EPS15L1: variants seen among roughly 807,000 people sequenced by gnomAD.
EPS15L1 encodes epidermal growth factor receptor pathway substrate 15 like 1, also known as epidermal growth factor receptor substrate 15-like 1.
In EPS15L1, 43 loss-of-function variants were observed where a neutral mutation model predicts 117.1. The observed-to-expected ratio is 0.37, with a 90% CI of 0.29 to 0.47. The LOEUF (loss-of-function observed/expected upper bound fraction) is 0.47. Ranked by LOEUF, EPS15L1 falls within the 20% of genes least tolerant of loss-of-function variation. EPS15L1 has a pLI of 0.99. For missense variants in EPS15L1, 981 were observed against 1,164.0 expected (o/e 0.84, Z 2.29); for synonymous variants, 459 against 470.5 (o/e 0.98, Z 0.32).
At chr19:16,356,020 C>A (rs1475363215) in intron 23 of EPS15L1, among the ~76,000 whole-genome samples, 169 bp from the exon 24 acceptor site, 1 of 152,370 alleles carries the variant, frequency 6.6e-6, no homozygotes, top group African/African-American at 2.4e-5. Context: ...GGCGTGCGAG[C>A]CTGTCTCAGG....
chr19:16,458,633 C>T (rs77736475), intron 1 of EPS15L1, among the ~76,000 whole-genome samples: 1 of 152,034 alleles, frequency 6.6e-6, no homozygotes, highest in African/African-American at 2.4e-5. Flanking sequence ...CCTGAAAGTG[C>T]TCCCTGGCCA....
In EPS15L1 at chr19:16,471,319, G is replaced by A. The variant is rs2092201622; in HGVS notation, c.33+594C>T. 6.6e-6 allele frequency among the ~76,000 whole-genome samples: 1 copy of A among 152,214 alleles called. No individual in the cohort carries two copies. Among genetic ancestry groups the A allele is most frequent in the African/African-American group, 2.4e-5 (1 of 41,470 alleles). On this transcript the variant is annotated intron_variant, in intron 1 of 23. Coordinates refer to ENST00000455140, the MANE Select transcript of EPS15L1 (RefSeq NM_001258374.3). The surrounding 1 kb of genome is among the most constrained non-coding windows in gnomAD (Gnocchi z 4.8). Reference sequence around the variant, plus strand: ...AGCTGCCTACGCATGGCTCTTTTTCGCATGTCTGTGTCGCGCTATCGATAC... The same window carrying A: ...AGCTGCCTACGCATGGCTCTTTTTCACATGTCTGTGTCGCGCTATCGATAC...
At chr19:16,470,518 T>C (rs1431528935) in intron 1 of EPS15L1, among the ~76,000 whole-genome samples, 1 of 112,402 alleles carries the variant, frequency 8.9e-6, no homozygotes, top group Non-Finnish European at 1.7e-5. Context: ...CCCCACCCCC[T>C]GACTACATAC....
chr19:16,416,254 C>G (rs1286398623), intron 12 of EPS15L1, among the ~76,000 whole-genome samples: 87 of 152,302 alleles, frequency 5.7e-4, no homozygotes. Flanking sequence ...AGTAAACAAT[C>G]TCTTTCCCAC....
intron 1 of EPS15L1, among the ~76,000 whole-genome samples, chr19:16,466,545 A>T (rs1237816205): frequency 6.6e-6 from 1 of 152,154 alleles, no homozygotes; most frequent in Non-Finnish European, 1.5e-5. Flanking sequence ...ACTGCCCAGA[A>T]AGTGTCCAGC....
At chr19:16,386,092 G>A in intron 20 of EPS15L1, 79 bp downstream of exon 20, 2 of 1,094,002 alleles carry the variant, frequency 1.8e-6, no homozygotes, top group Non-Finnish European at 2.8e-6. Flanking sequence ...CTGGCTTTGG[G>A]AGTGAAAGTG....
chr19:16,375,559 G>A (rs928152688), intron 22 of EPS15L1, among the ~76,000 whole-genome samples: 1 of 152,178 alleles, frequency 6.6e-6, no homozygotes, highest in African/African-American at 2.4e-5. Context: ...AAGCCAACAA[G>A]GATCCCTGAA....
At chr19:16,367,520 A>C (rs1463280954) in intron 22 of EPS15L1, among the ~76,000 whole-genome samples, 4 of 149,436 alleles carry the variant, frequency 2.7e-5, no homozygotes, top group East Asian at 3.9e-4. Flanking sequence ...AAAAAAAAAA[A>C]AAAAAACTTG....
intron 13 of EPS15L1, among the ~76,000 whole-genome samples, chr19:16,410,669 G>A (rs896314724): frequency 6.6e-6 from 1 of 152,160 alleles, no homozygotes; most frequent in African/African-American, 2.4e-5. Flanking sequence ...CAGCACTCTG[G>A]GAGGCCGAGG....
intron 18 of EPS15L1, among the ~76,000 whole-genome samples, chr19:16,393,304 A>G (rs1360466304): frequency 6.6e-6 from 1 of 151,916 alleles, no homozygotes; most frequent in East Asian, 1.9e-4. Flanking sequence ...ATACCACTGA[A>G]TTGGATGCTT....
chr19:16,394,405 G>C (rs1208482181), intron 17 of EPS15L1, among the ~76,000 whole-genome samples: 1 of 145,492 alleles, frequency 6.9e-6, no homozygotes, highest in African/African-American at 2.5e-5. Context: ...CGGCCCTGCA[G>C]CAATGAGGCG....
chr19:16,452,485 T>C (rs548582901), intron 1 of EPS15L1, among the ~76,000 whole-genome samples: 1 of 149,574 alleles, frequency 6.7e-6, no homozygotes, highest in East Asian at 2.0e-4. Context: ...CCAGGTGTAG[T>C]GGCACTCGCC....
rs545477324 is a variant in EPS15L1, at chr19:16,368,628, A to G, written c.2381-6644T>C. ...CACACAACCATCATTCACCCTACAC[A>G]ACACAGGCACCCACCTGTCATTCAC... is the stretch of plus-strand genomic sequence containing the variant. On this transcript the variant is annotated intron_variant, in intron 22 of 23. Coordinates refer to ENST00000455140, the MANE Select transcript of EPS15L1 (RefSeq NM_001258374.3). 3.3e-3 allele frequency among the ~76,000 whole-genome samples: 500 copies of G among 151,968 alleles called. 1 individual carries two copies. The highest frequency in any genetic ancestry group is 5.2e-3 in the Non-Finnish European group (354 of 67,962).
intron 1 of EPS15L1, among the ~76,000 whole-genome samples, chr19:16,460,624 A>G (rs1198790009): frequency 6.6e-6 from 1 of 152,232 alleles, no homozygotes; most frequent in Non-Finnish European, 1.5e-5. Context: ...CCCATCAGCA[A>G]TTGTGGAGCC....
chr19:16,375,368 G>A (rs1396237277), intron 22 of EPS15L1, among the ~76,000 whole-genome samples: 4 of 151,982 alleles, frequency 2.6e-5, no homozygotes, highest in Non-Finnish European at 4.4e-5. Context: ...GAGCATACAC[G>A]TGTACGTGCA....
chr19:16,395,279 A>C, intron 17 of EPS15L1, 65 bp downstream of exon 17: 4 of 1,508,942 alleles, frequency 2.7e-6, no homozygotes, highest in Non-Finnish European at 3.6e-6. Flanking sequence ...TAGTTGAAGA[A>C]CCACTCTAAA....
rs181901336 is a variant in EPS15L1, at chr19:16,377,890, C to T, written c.2248-636G>A. On this transcript the variant is annotated intron_variant, in intron 21 of 23. Transcript: ENST00000455140. Reference sequence around the variant, plus strand: ...CACTGGGCTCTGACCACCTCTGGCCCGGACCCTCGGTCAGCCTCCATCACA... The same window carrying T: ...CACTGGGCTCTGACCACCTCTGGCCTGGACCCTCGGTCAGCCTCCATCACA... Among the ~76,000 whole-genome samples the T allele has an allele frequency of 2.3e-3, 352 of 152,330 alleles. 1 individual carries two copies. Among genetic ancestry groups the T allele is most frequent in the Non-Finnish European group, 3.4e-3 (229 of 68,034 alleles).
intron 1 of EPS15L1, among the ~76,000 whole-genome samples, chr19:16,455,097 C>A (rs1471463984): frequency 6.6e-6 from 1 of 151,888 alleles, no homozygotes; most frequent in East Asian, 1.9e-4. Context: ...TCATTGCACT[C>A]CAGCCTGGGC....
At position 16,361,788 on chromosome 19, in the gene EPS15L1, G is replaced by C; in HGVS notation, c.2577C>G (p.Asp859Glu). The C allele has an allele frequency of 1.2e-6, 2 of 1,613,330 alleles. No homozygotes were observed. The highest frequency in any genetic ancestry group is 2.2e-5 in the South Asian group (2 of 90,874). The part of the protein sequence containing the change: ...PSKASASGFA[D>E]FTSFGNEEQQ... ...GGAGGACTCAACTTACAGAGGTGAA[G>C]TCTGCAAAGCCCGAGGCAGAGGCCT... Residue 859 changes from aspartate to glutamate, a missense_variant, in exon 23 of 24, where the codon GAC becomes GAG. Asp to Glu is a conservative substitution (Grantham distance 45). Transcript: ENST00000455140.
Sources: allele counts gnomAD v4.1 joint callset (sites outside exome capture counted in the v4.1 genomes callset), GRCh38; gene constraint gnomAD v4.1.1; non-coding constraint Gnocchi (gnomAD v3.1); transcripts MANE v1.5; gene names NCBI Gene and HGNC (gene_info 2026-07-23, HGNC 2026-07-21).